The following MCL1 variants were observed in gnomAD, a reference collection of about 807,000 sequenced individuals.
The protein encoded by MCL1 is MCL1 apoptosis regulator, BCL2 family member, also known as induced myeloid leukemia cell differentiation protein Mcl-1.
Under a neutral mutation model 24.2 loss-of-function variants are expected in MCL1, and 4 were observed. The ratio of observed to expected loss-of-function variants is 0.17; its 90% CI spans 0.08 to 0.38. The LOEUF (loss-of-function observed/expected upper bound fraction) is 0.38, where lower values mean the gene tolerates loss of function less well. MCL1 is among the 10% of genes least tolerant of loss of function. The pLI is 1.00. For missense variants in MCL1, 529 were observed against 480.3 expected, an observed-to-expected ratio of 1.10 and a Z score of -0.95; for synonymous variants, 248 against 214.0, an observed-to-expected ratio of 1.16 and a Z score of -1.39.
rs1570980988 is a variant in MCL1, at chr1:150,577,469, T to C, written c.959A>G (p.His320Arg). ...GATGCCACCTTCTAGGTCCTCTACA[T>C]GGAAGAACTCCACAAACCCATCCTA... ...RGWDGFVEFF[H>R]VEDLEGGIRN... The change falls in exon 3 of 3, where the codon CAT (histidine) becomes CGT (arginine). Residue 320 changes from histidine (H) to arginine (R), a missense_variant. His to Arg is a conservative substitution (Grantham distance 29). Coordinates refer to ENST00000369026, the MANE Select transcript of MCL1 (RefSeq NM_021960.5). 1.2e-6 allele frequency: 2 copies of C among 1,611,992 alleles called. No homozygotes were observed. Among genetic ancestry groups the C allele is most frequent in the Non-Finnish European group, 1.7e-6 (2 of 1,179,324 alleles).
In MCL1 at chr1:150,578,269, T is replaced by G. The variant is rs758143144; in HGVS notation, c.911A>C (p.Asp304Ala). The change falls in exon 2 of 3, where the codon GAC becomes GCC. Residue 304 changes from aspartate to alanine, a missense_variant. By Grantham distance (126) the Asp-to-Ala change is moderately radical. Transcript: ENST00000369026. The part of the protein sequence containing the change: ...ITDVLVRTKR[D>A]WLVKQRGWDG... ...CCAGCCTCTTTGTTTAACTAGCCAG[T>G]CCCGTTTTGTCCTTACGAGAACGTC... The G allele has an allele frequency of 3.1e-6, 5 of 1,614,026 alleles. No homozygotes were observed. Among genetic ancestry groups the G allele is most frequent in the Non-Finnish European group, 4.2e-6 (5 of 1,180,016 alleles).
rs1647852677 is a variant in MCL1, at chr1:150,577,349, A to G, written c.*26T>C. Reference sequence around the variant, plus strand: ...TTGGTGGTGGTGGTGGTTGGTTAAAAGTCAACTATTGCACTTACAGTAAGG... The same window carrying G: ...TTGGTGGTGGTGGTGGTTGGTTAAAGGTCAACTATTGCACTTACAGTAAGG... On this transcript the variant is annotated 3_prime_UTR_variant, in exon 3 of 3. Transcript: ENST00000369026. 1 of 1,607,508 alleles carries G rather than the reference A, an allele frequency of 6.2e-7. No individual in the cohort carries two copies. The highest frequency in any genetic ancestry group is 1.3e-5 in the African/African-American group (1 of 74,220).
In MCL1 at chr1:150,579,092, C is replaced by T. The variant is rs748263149; in HGVS notation, c.439G>A (p.Val147Ile). 5.0e-6 allele frequency: 8 copies of T among 1,613,056 alleles called. No individual in the cohort carries two copies. The Admixed American group carries it at 6.7e-5, about 13-fold the overall frequency. Reference sequence around the variant, plus strand: ...CTGGTGTTATTACCAGATTCCCCGACCAACTCCAGCAGCGGCAGGACAGCC... The same window carrying T: ...CTGGTGTTATTACCAGATTCCCCGATCAACTCCAGCAGCGGCAGGACAGCC... Reference protein sequence around the residue: ...RPAVLPLLELVGESGNNTSTD... With the variant: ...RPAVLPLLELIGESGNNTSTD... Residue 147 changes from valine (V) to isoleucine (I), a missense_variant, in exon 1 of 3, where the codon GTC (valine) becomes ATC (isoleucine). Coordinates refer to ENST00000369026, the MANE Select transcript of MCL1 (RefSeq NM_021960.5).
Position 150,578,348 on chromosome 1 carries a change from A to G in MCL1, c.832T>C (p.Leu278=). ...ISFGAFVAKH[L]KTINQESCIE... The stretch of plus-strand genomic sequence containing the variant: ...CAGCTTTCTTGGTTTATGGTCTTCA[A>G]GTGTTTAGCCACAAAGGCACCAAAA... Residue 278 remains leucine (L), a synonymous_variant, in exon 2 of 3, where the codon TTG becomes CTG. Transcript: ENST00000369026. 1 of 1,614,208 alleles carries G rather than the reference A, an allele frequency of 6.2e-7. No homozygotes were observed. Among genetic ancestry groups the G allele is most frequent in the Non-Finnish European group, 8.5e-7 (1 of 1,180,034 alleles).
intron 2 of MCL1, among the ~76,000 whole-genome samples, chr1:150,577,902 A>C (rs999947399): frequency 6.6e-6 from 1 of 152,004 alleles, no homozygotes; most frequent in Non-Finnish European, 1.5e-5. Context: ...GCTCCACCCC[A>C]TATCTTCTCC....
chr1:150,579,298 C>T lies in MCL1; in HGVS notation c.233G>A (p.Arg78Gln), dbSNP rs1320723949. Residue 78 changes from arginine (R) to glutamine (Q), a missense_variant, in exon 1 of 3, where the codon CGG (arginine) becomes CAG (glutamine). Transcript: ENST00000369026. Reference sequence around the variant, plus strand: ...GACCTCGGCGCCAATGGGCGGCGGCCGCGCGACCCTCCGGGAGTCTGGCGT... The same window carrying T: ...GACCTCGGCGCCAATGGGCGGCGGCTGCGCGACCCTCCGGGAGTCTGGCGT... ...TLTPDSRRVA[R>Q]PPPIGAEVPD... The T allele has an allele frequency of 6.8e-7, 1 of 1,477,778 alleles. No individual in the cohort carries two copies. Among genetic ancestry groups the T allele is most frequent in the South Asian group, 1.4e-5 (1 of 71,344 alleles). 91.5% of individuals were successfully genotyped at this position (1,477,778 alleles called of 1,614,324 possible). A position where few individuals can be genotyped will look rare whatever the true frequency, so the allele number is the denominator to read the frequency against.
intron 1 of MCL1, 88 bp from the exon 2 acceptor site, chr1:150,578,579 C>T: frequency 1.3e-6 from 2 of 1,524,680 alleles, no homozygotes; most frequent in South Asian, 2.4e-5. Context: ...GGGAAAATCG[C>T]TACTGGGATT....
chr1:150,576,550 A>G lies in MCL1; in HGVS notation c.*825T>C, dbSNP rs970383321. On this transcript the variant is annotated 3_prime_UTR_variant, in exon 3 of 3. Coordinates refer to ENST00000369026, the MANE Select transcript of MCL1 (RefSeq NM_021960.5). Reference sequence around the variant, plus strand: ...TCTAGAACTGAACAGAACAAAGTTTAGCATAGAAAAGCTGTAAGAAACAGG... The same window carrying G: ...TCTAGAACTGAACAGAACAAAGTTTGGCATAGAAAAGCTGTAAGAAACAGG... 1 of 232,622 alleles carries G rather than the reference A, an allele frequency of 4.3e-6. No homozygotes were observed. Among genetic ancestry groups the G allele is most frequent in the Admixed American group, 5.6e-5 (1 of 17,760 alleles). 14.4% of individuals were successfully genotyped at this position (232,622 alleles called of 1,614,324 possible). A position where few individuals can be genotyped will look rare whatever the true frequency, so the allele number is the denominator to read the frequency against.
Position 150,576,023 on chromosome 1 carries a change from C to CA in MCL1, c.*1351dup, listed in dbSNP as rs1245127381. 8.6e-6 allele frequency: 2 copies of CA among 233,568 alleles called. No homozygotes were observed. The highest frequency in any genetic ancestry group is 1.7e-5 in the Non-Finnish European group (2 of 118,064). 14.5% of individuals were successfully genotyped at this position (233,568 alleles called of 1,614,324 possible). On this transcript the variant is annotated 3_prime_UTR_variant, in exon 3 of 3. Transcript: ENST00000369026. Reference sequence around the variant, plus strand: ...ACTAGGCTTAGACCTGTGTGTGTAACAAGCAAGCCTAATAATAGCACCATG... The same window carrying CA: ...ACTAGGCTTAGACCTGTGTGTGTAACAAAGCAAGCCTAATAATAGCACCATG...
intron 2 of MCL1, 109 bp downstream of exon 2, chr1:150,578,135 T>TG (rs750109449): frequency 1.1e-5 from 14 of 1,234,678 alleles, no homozygotes; most frequent in East Asian, 2.3e-5. Context: ...AGTTAGAGCC[T>TG]GCAAACAGCC....
In MCL1 at chr1:150,578,912, T is replaced by C. The variant is rs754305788; in HGVS notation, c.619A>G (p.Arg207Gly). The C allele has an allele frequency of 1.9e-6, 3 of 1,613,742 alleles. No individual in the cohort carries two copies. The East Asian group carries it at 6.7e-5, about 36-fold the overall frequency. The change falls in exon 1 of 3, where the codon AGG becomes GGG. Residue 207 changes from arginine to glycine, a missense_variant. By Grantham distance (125) the Arg-to-Gly change is moderately radical. Coordinates refer to ENST00000369026, the MANE Select transcript of MCL1 (RefSeq NM_021960.5). ...KPMGRSGATSRKALETLRRVG... is the reference protein window; with the variant it reads ...KPMGRSGATSGKALETLRRVG... ...CGTCGTAAGGTCTCCAGCGCCTTCCTGCTGGTGGCCCCAGACCTGCCCATT... is the reference window on the plus strand; with the variant it reads ...CGTCGTAAGGTCTCCAGCGCCTTCCCGCTGGTGGCCCCAGACCTGCCCATT...
rs1647996180 is a variant in MCL1 at position 150,579,565 on chromosome 1, G to A, written c.-35C>T. 6.4e-7 allele frequency: 1 copy of A among 1,574,574 alleles called. No individual in the cohort carries two copies. Among genetic ancestry groups the A allele is most frequent in the Non-Finnish European group, 8.6e-7 (1 of 1,161,382 alleles). ...CCGCCGCCGCCTGGCTGAGAAAACT[G>A]GGGAAGACCCCGACTCCTTACTGGA... On this transcript the variant is annotated 5_prime_UTR_variant, in exon 1 of 3. Coordinates refer to ENST00000369026, the MANE Select transcript of MCL1 (RefSeq NM_021960.5).
chr1:150,578,324 A>C lies in MCL1; in HGVS notation c.856T>G (p.Cys286Gly). Residue 286 changes from cysteine (C) to glycine (G), a missense_variant, in exon 2 of 3, where the codon TGC becomes GGC. By Grantham distance (159) the Cys-to-Gly change is radical. Transcript: ENST00000369026. ...ATACTTTCTGCTAATGGTTCGATGC[A>C]GCTTTCTTGGTTTATGGTCTTCAAG... ...KHLKTINQES[C>G]IEPLAESITD... is the part of the protein sequence containing the mutation. 3 of 1,614,236 alleles carry C rather than the reference A, an allele frequency of 1.9e-6. No homozygotes were observed. The highest frequency in any genetic ancestry group is 2.5e-6 in the Non-Finnish European group (3 of 1,180,044).
chr1:150,576,869 T>A lies in MCL1; in HGVS notation c.*506A>T, dbSNP rs587704688. 3.0e-5 allele frequency: 7 copies of A among 233,582 alleles called. No individual in the cohort carries two copies. The highest frequency in any genetic ancestry group is 1.5e-4 in the African/African-American group (7 of 45,462). The allele number at this position is 233,582 out of a possible 1,614,324, so 14.5% of individuals were successfully genotyped here. On this transcript the variant is annotated 3_prime_UTR_variant, in exon 3 of 3. Transcript: ENST00000369026. ...CACTTGGACTTTCTAAGAAGTATACTGGGAAAGCTAATTAGAGAGAGGAAA... is the reference window on the plus strand; with the variant it reads ...CACTTGGACTTTCTAAGAAGTATACAGGGAAAGCTAATTAGAGAGAGGAAA...
rs941144676 is a variant in MCL1 at position 150,576,456 on chromosome 1, A to T, written c.*919T>A. 1 of 232,392 alleles carries T rather than the reference A, an allele frequency of 4.3e-6. No homozygotes were observed. Among genetic ancestry groups the T allele is most frequent in the Admixed American group, 5.6e-5 (1 of 17,744 alleles). The allele number at this position is 232,392 out of a possible 1,614,324, so 14.4% of individuals were successfully genotyped here. On this transcript the variant is annotated 3_prime_UTR_variant, in exon 3 of 3. Coordinates refer to ENST00000369026, the MANE Select transcript of MCL1 (RefSeq NM_021960.5). ...ATCAGATAAGAAAATTTAAACCTGC[A>T]TAGTTATCAGATTTGTTCCACTACA...
rs768299859 is a variant in MCL1 at position 150,579,090 on chromosome 1, G to C, written c.441C>G (p.Val147=). ...TACTGGTGTTATTACCAGATTCCCC[G>C]ACCAACTCCAGCAGCGGCAGGACAG... is the stretch of plus-strand genomic sequence containing the variant. ...RPAVLPLLEL[V]GESGNNTSTD... Residue 147 remains valine (V), a synonymous_variant, in exon 1 of 3, where the codon GTC becomes GTG. Transcript: ENST00000369026. The C allele has an allele frequency of 1.4e-5, 23 of 1,612,970 alleles. No homozygotes were observed. Among genetic ancestry groups the C allele is most frequent in the Admixed American group, 1.3e-4 (8 of 60,000 alleles).
rs1489573720 is a variant in MCL1 at position 150,575,572 on chromosome 1, C to T, written c.*1803G>A. ...CATTGCCCCCAAAGACAGGATAAAA[C>T]AATAGTTGAAAAGATACCAGTCCAA... On this transcript the variant is annotated 3_prime_UTR_variant, in exon 3 of 3. Coordinates refer to ENST00000369026, the MANE Select transcript of MCL1 (RefSeq NM_021960.5). 1 of 233,002 alleles carries T rather than the reference C, an allele frequency of 4.3e-6. No individual in the cohort carries two copies. The allele number at this position is 233,002 out of a possible 1,614,324, so 14.4% of individuals were successfully genotyped here.
chr1:150,579,486 G>T lies in MCL1; in HGVS notation c.45C>A (p.Tyr15Ter). Reference sequence around the variant, plus strand: ...CGGCCCCCAAGCCGGCCCCCCCACAGTAGAGGTTGAGTCCGATTACCGCGT... The same window carrying T: ...CGGCCCCCAAGCCGGCCCCCCCACATTAGAGGTTGAGTCCGATTACCGCGT... ...KRNAVIGLNL[Y>*]CGGAGLGAGS... The change falls in exon 1 of 3, where the codon TAC becomes TAA. Residue 15 changes from tyrosine to a stop codon, truncating the protein, a stop_gained. Transcript: ENST00000369026. LOFTEE classifies it high-confidence loss of function. 1 of 1,597,782 alleles carries T rather than the reference G, an allele frequency of 6.3e-7. No homozygotes were observed. The highest frequency in any genetic ancestry group is 1.1e-5 in the South Asian group (1 of 90,356).
At position 150,578,271 on chromosome 1, in the gene MCL1, C is replaced by G; in HGVS notation, c.909G>C (p.Arg303=). The G allele has an allele frequency of 4.3e-6, 7 of 1,614,092 alleles. No individual in the cohort carries two copies. The highest frequency in any genetic ancestry group is 5.9e-6 in the Non-Finnish European group (7 of 1,180,018). Residue 303 remains arginine, a synonymous_variant, in exon 2 of 3, where the codon CGG becomes CGC. Transcript: ENST00000369026. The part of the protein sequence containing the change: ...SITDVLVRTK[R]DWLVKQRGWD... ...AGCCTCTTTGTTTAACTAGCCAGTCCCGTTTTGTCCTTACGAGAACGTCTG... is the reference window on the plus strand; with the variant it reads ...AGCCTCTTTGTTTAACTAGCCAGTCGCGTTTTGTCCTTACGAGAACGTCTG...
Sources: allele counts gnomAD v4.1 joint callset (sites outside exome capture counted in the v4.1 genomes callset), GRCh38; gene constraint gnomAD v4.1.1; transcripts MANE v1.5; gene names NCBI Gene and HGNC (gene_info 2026-07-23, HGNC 2026-07-21).